Variants in SLCO3A1 observed in about 807,000 individuals in gnomAD.
The protein encoded by SLCO3A1 is PGE1 transporter.
In SLCO3A1, 27 loss-of-function variants were observed where a neutral mutation model predicts 63.1. The observed-to-expected ratio is 0.43, with a 90% CI of 0.32 to 0.59. SLCO3A1 has a LOEUF of 0.59. Among genes scored for constraint, SLCO3A1 ranks in the 20% least tolerant of loss-of-function variants. The pLI, the probability that SLCO3A1 is intolerant of heterozygous loss-of-function variation, is 0.09. For synonymous variants in SLCO3A1, 473 were observed against 409.9 expected, an observed-to-expected ratio of 1.15 and a Z score of -1.86; for missense variants, 773 against 945.8, an observed-to-expected ratio of 0.82 and a Z score of 2.40.
chr15:92,117,369 C>G (rs2047807892), intron 4 of SLCO3A1, among the ~76,000 whole-genome samples: 1 of 152,132 alleles, frequency 6.6e-6, no homozygotes, highest in South Asian at 2.1e-4. Context: ...GCTTTATTCT[C>G]CAGGAGTCCT....
At chr15:92,139,895 C>T (rs1358706447) in intron 7 of SLCO3A1, among the ~76,000 whole-genome samples, 2 of 149,480 alleles carry the variant, frequency 1.3e-5, no homozygotes, top group African/African-American at 5.0e-5. Context: ...TGCTAGCGGT[C>T]TATCAATTTT....
intron 2 of SLCO3A1, among the ~76,000 whole-genome samples, chr15:91,933,392 T>C (rs1192883826): frequency 2.0e-5 from 3 of 152,228 alleles, no homozygotes; most frequent in Admixed American, 2.0e-4. Flanking sequence ...ACCTTGGAAG[T>C]AATCAATTTT....
intron 2 of SLCO3A1, among the ~76,000 whole-genome samples, chr15:92,022,994 G>A (rs1404985734): frequency 6.6e-6 from 1 of 152,168 alleles, no homozygotes; most frequent in Non-Finnish European, 1.5e-5. Flanking sequence ...AGAAGTCATC[G>A]AATCAACTGA....
intron 1 of SLCO3A1, among the ~76,000 whole-genome samples, chr15:91,866,575 T>TAA (rs1191215854): frequency 2.1e-5 from 3 of 139,888 alleles, no homozygotes; most frequent in Non-Finnish European, 1.6e-5. Context: ...CTCCTTTTTT[T>TAA]AAAAAAAAAA....
At chr15:91,973,734 C>T (rs576924003) in intron 2 of SLCO3A1, among the ~76,000 whole-genome samples, 1 of 152,206 alleles carries the variant, frequency 6.6e-6, no homozygotes, top group East Asian at 1.9e-4. Context: ...TGCTGTCAAG[C>T]CTCCATCGGT....
At chr15:91,881,721 G>A (rs909906905) in intron 1 of SLCO3A1, among the ~76,000 whole-genome samples, 2 of 152,180 alleles carry the variant, frequency 1.3e-5, no homozygotes, top group African/African-American at 4.8e-5. Context: ...AGTGGAGAAT[G>A]CAAGTCCCCT....
At chr15:92,080,304 A>G (rs2047327769) in intron 2 of SLCO3A1, among the ~76,000 whole-genome samples, 1 of 151,996 alleles carries the variant, frequency 6.6e-6, no homozygotes, top group East Asian at 1.9e-4. Context: ...TACTGCCCCT[A>G]TGGAAAAGGT....
chr15:92,062,168 A>G (rs1374442408), intron 2 of SLCO3A1, among the ~76,000 whole-genome samples: 1 of 152,254 alleles, frequency 6.6e-6, no homozygotes, highest in African/African-American at 2.4e-5. Context: ...ATCCTGTACT[A>G]GGACAGCAAA....
intron 2 of SLCO3A1, among the ~76,000 whole-genome samples, chr15:91,995,415 C>T (rs2046178945): frequency 6.6e-6 from 1 of 152,148 alleles, no homozygotes; most frequent in African/African-American, 2.4e-5. Context: ...TTTCCCTTTC[C>T]CTTGATAATG....
chr15:92,168,594 C>A (rs2048505719), downstream of SLCO3A1, among the ~76,000 whole-genome samples: 1 of 152,134 alleles, frequency 6.6e-6, no homozygotes, highest in Admixed American at 6.5e-5. Context: ...GTTTGGGGGA[C>A]CCTAGCGGCT....
intron 2 of SLCO3A1, among the ~76,000 whole-genome samples, chr15:92,042,682 A>G (rs2046814159): frequency 6.6e-6 from 1 of 152,148 alleles, no homozygotes. Context: ...AAGAGTGGGT[A>G]GGTGTTCACC....
intron 2 of SLCO3A1, among the ~76,000 whole-genome samples, chr15:92,054,615 C>A (rs544801045): frequency 1.7e-4 from 26 of 152,010 alleles, no homozygotes; most frequent in African/African-American, 6.3e-4. Flanking sequence ...CCCACCCCCG[C>A]CCACAGGCCC....
chr15:92,155,784 A>T (rs1181936561), intron 9 of SLCO3A1, among the ~76,000 whole-genome samples: 1 of 152,202 alleles, frequency 6.6e-6, no homozygotes, highest in Non-Finnish European at 1.5e-5. Context: ...AAAGCTCAAG[A>T]TGAGGCTGAG....
intron 2 of SLCO3A1, among the ~76,000 whole-genome samples, chr15:92,050,126 CAAAT>C (rs1320722845): frequency 6.6e-6 from 1 of 152,220 alleles, no homozygotes; most frequent in Admixed American, 6.5e-5. Flanking sequence ...CTGTCACAAA[CAAAT>C]AAGCATGGCC....
At chr15:92,064,392 G>T (rs148576249) in intron 2 of SLCO3A1, among the ~76,000 whole-genome samples, 1 of 152,090 alleles carries the variant, frequency 6.6e-6, no homozygotes, top group East Asian at 1.9e-4. Flanking sequence ...TCCATGGGTT[G>T]TCTCTTCACT....
chr15:92,097,528 G>A (rs913253854), intron 3 of SLCO3A1, among the ~76,000 whole-genome samples: 2 of 152,240 alleles, frequency 1.3e-5, no homozygotes, highest in African/African-American at 4.8e-5. Context: ...GCCCAGGGTG[G>A]AGCGGTGTGA....
Position 91,859,920 on chromosome 15 carries a change from C to A in SLCO3A1, c.180+5832C>A, listed in dbSNP as rs960863533. ...GTGAATTGCATATTCAAGTAGTTTC[C>A]TATTCTACATGGACATTTTTGTCTG... On this transcript the variant is annotated intron_variant, in intron 1 of 9. Transcript: ENST00000318445. The surrounding 1 kb of genome is among the most constrained non-coding windows in gnomAD (Gnocchi z 5.1). Among the ~76,000 whole-genome samples, 1 of 152,148 alleles carries A rather than the reference C, an allele frequency of 6.6e-6. No individual in the cohort carries two copies. The highest frequency in any genetic ancestry group is 2.4e-5 in the African/African-American group (1 of 41,430).
At chr15:91,906,196 C>G (rs12593787) in intron 1 of SLCO3A1, among the ~76,000 whole-genome samples, 1 of 152,118 alleles carries the variant, frequency 6.6e-6, no homozygotes, top group Non-Finnish European at 1.5e-5. Context: ...AAATGTTCAA[C>G]ATGATTGTAT....
At chr15:92,044,112 A>T (rs2046831724) in intron 2 of SLCO3A1, among the ~76,000 whole-genome samples, 1 of 152,116 alleles carries the variant, frequency 6.6e-6, no homozygotes. Flanking sequence ...CTTAGGATCT[A>T]GAGTCAGCCC....
Sources: gnomAD v4.1 joint callset for allele counts (sites outside exome capture counted in the v4.1 genomes callset) on GRCh38, gnomAD v4.1.1 for gene constraint, Gnocchi (gnomAD v3.1) non-coding constraint, MANE v1.5 for transcripts, NCBI Gene and HGNC (gene_info 2026-07-23, HGNC 2026-07-21) for gene names.